Variants in KAZN observed in about 807,000 individuals in gnomAD.
KAZN encodes the protein kazrin, periplakin interacting protein, also known as kazrin.
A neutral mutation model predicts 87.4 loss-of-function variants in KAZN; 40 were observed. The observed-to-expected ratio is 0.46, with a 90% CI of 0.36 to 0.60. The LOEUF is 0.60. Ranked by LOEUF, KAZN falls within the 20% of genes least tolerant of loss-of-function variation. KAZN has a pLI of 0.00. For missense variants in KAZN, 898 were observed against 1,073.9 expected (o/e 0.84, Z 2.29); for synonymous variants, 466 against 458.3 (o/e 1.02, Z -0.22).
chr1:14,223,530 C>T (rs1035788178), intron 2 of KAZN, among the ~76,000 whole-genome samples: 3 of 152,146 alleles, frequency 2.0e-5, no homozygotes, highest in Non-Finnish European at 4.4e-5. Flanking sequence ...TTTGGTGTGA[C>T]AGAACTCCAT....
At chr1:14,570,119 A>T (rs973895121) in intron 2 of KAZN, among the ~76,000 whole-genome samples, 2 of 152,180 alleles carry the variant, frequency 1.3e-5, no homozygotes, top group Non-Finnish European at 2.9e-5. Flanking sequence ...TCTCAAAAAA[A>T]TTAATAATAA....
intron 1 of KAZN, among the ~76,000 whole-genome samples, chr1:14,671,243 C>T (rs1639899732): frequency 6.6e-6 from 1 of 152,184 alleles, no homozygotes; most frequent in African/African-American, 2.4e-5. Context: ...ACATGTCTTA[C>T]TTACAGCATT....
intron 2 of KAZN, among the ~76,000 whole-genome samples, chr1:14,294,145 G>T (rs914241040): frequency 6.6e-6 from 1 of 152,172 alleles, no homozygotes; most frequent in Non-Finnish European, 1.5e-5. Context: ...AAGTGGCACA[G>T]CCTGAAGAAC....
At position 14,691,694 on chromosome 1, in the gene KAZN, C is replaced by A. The variant is rs574093585; in HGVS notation, c.226+92471C>A. On this transcript the variant is annotated intron_variant, in intron 1 of 14. Coordinates refer to ENST00000376030, the MANE Select transcript of KAZN (RefSeq NM_201628.3). ...TAGATACGGGGTTTTGCCATGTTGG[C>A]CAGGCTGGTCTCAAACTCCCGACCT... Among the ~76,000 whole-genome samples the A allele has an allele frequency of 3.0e-3, 455 of 152,228 alleles. 2 individuals are homozygous for A. Among genetic ancestry groups the A allele is most frequent in the Non-Finnish European group, 5.0e-3 (340 of 68,006 alleles).
chr1:14,427,205 C>G (rs1665780175), intron 2 of KAZN, among the ~76,000 whole-genome samples: 1 of 152,172 alleles, frequency 6.6e-6, no homozygotes, highest in Non-Finnish European at 1.5e-5. Flanking sequence ...CAGGTGTCCT[C>G]AAGGCTGGGG....
At chr1:14,961,363 G>T (rs1199110489) in intron 2 of KAZN, among the ~76,000 whole-genome samples, 3 of 152,174 alleles carry the variant, frequency 2.0e-5, no homozygotes, top group Admixed American at 6.5e-5. Flanking sequence ...TGTCCAGGGG[G>T]TCTCTTGAAG....
intron 2 of KAZN, among the ~76,000 whole-genome samples, chr1:14,218,643 ATGTTTAAATTTATGAAT>A (rs571188283): frequency 0.011 from 1,615 of 152,294 alleles, 28 homozygotes; most frequent in African/African-American, 0.036. Flanking sequence ...CTCAATAAAT[ATGTTTAAATTTATGAAT>A]TCATAAGGAT....
rs113763991 is a variant in KAZN at position 15,056,610 on chromosome 1, C to CAA, written c.916+331_916+332dup. Reference sequence around the variant, plus strand: ...CCAGATGTTTAAGACCCTCACAGCTCAAGTCTTAAGAAAGAAAAACTATCT... The same window carrying CAA: ...CCAGATGTTTAAGACCCTCACAGCTCAAAAGTCTTAAGAAAGAAAAACTATCT... On this transcript the variant is annotated intron_variant, in intron 5 of 14. Transcript: ENST00000376030. The surrounding 1 kb of genome is among the most constrained non-coding windows in gnomAD (Gnocchi z 5.4). Among the ~76,000 whole-genome samples, 1,408 of 152,274 alleles carry CAA rather than the reference C, an allele frequency of 9.2e-3. 19 individuals carry two copies. The highest frequency in any genetic ancestry group is 0.042 in the South Asian group (205 of 4,824).
At chr1:14,763,575 A>C (rs1490624447) in intron 1 of KAZN, among the ~76,000 whole-genome samples, 2 of 152,158 alleles carry the variant, frequency 1.3e-5, no homozygotes, top group Non-Finnish European at 2.9e-5. Context: ...TTTCAATTGC[A>C]GTGAGCTCGG....
intron 1 of KAZN, among the ~76,000 whole-genome samples, chr1:14,014,385 T>C (rs1176359789): frequency 6.6e-6 from 1 of 151,590 alleles, no homozygotes; most frequent in Non-Finnish European, 1.5e-5. Flanking sequence ...CAGAAAAGGG[T>C]GAGGATGTCC....
At chr1:14,904,773 T>C (rs985899433) in intron 1 of KAZN, among the ~76,000 whole-genome samples, 4 of 152,144 alleles carry the variant, frequency 2.6e-5, no homozygotes, top group African/African-American at 4.8e-5. Flanking sequence ...TTTGTTTTTG[T>C]TTTTTTGAGA....
intron 2 of KAZN, among the ~76,000 whole-genome samples, chr1:14,488,322 G>GA (rs1325051741): frequency 1.3e-5 from 2 of 152,128 alleles, no homozygotes; most frequent in Non-Finnish European, 1.5e-5. Flanking sequence ...GGAGGATGCT[G>GA]AAAAAGAGAA....
Position 14,976,824 on chromosome 1 carries a change from C to T in KAZN, c.418+15949C>T, listed in dbSNP as rs185008978. On this transcript the variant is annotated intron_variant, in intron 2 of 14. Transcript: ENST00000376030. Reference sequence around the variant, plus strand: ...ATCTCAGCACTTTGGGAGGCCGAGGCGAGCAGATCACAAGGTCAAGGAGTT... The same window carrying T: ...ATCTCAGCACTTTGGGAGGCCGAGGTGAGCAGATCACAAGGTCAAGGAGTT... 3.7e-3 allele frequency among the ~76,000 whole-genome samples: 567 copies of T among 152,208 alleles called. 1 individual carries two copies. The highest frequency in any genetic ancestry group is 0.013 in the African/African-American group (544 of 41,518).
chr1:15,088,715 C>G (rs923893394), intron 8 of KAZN, among the ~76,000 whole-genome samples: 1 of 152,038 alleles, frequency 6.6e-6, no homozygotes, highest in South Asian at 2.1e-4. Flanking sequence ...CAAGGCCCCC[C>G]TAGACTCCTC....
At chr1:14,691,598 T>A (rs905696484) in intron 1 of KAZN, among the ~76,000 whole-genome samples, 2 of 152,206 alleles carry the variant, frequency 1.3e-5, no homozygotes, top group Non-Finnish European at 2.9e-5. Context: ...GTGATTCTCC[T>A]GCCTCAGCCT....
chr1:14,409,804 A>G (rs1664157427), intron 2 of KAZN, among the ~76,000 whole-genome samples: 1 of 152,192 alleles, frequency 6.6e-6, no homozygotes, highest in South Asian at 2.1e-4. Flanking sequence ...CAATAAAAGA[A>G]CTATCTGAAA....
chr1:14,921,332 C>T (rs1049513724), intron 1 of KAZN, among the ~76,000 whole-genome samples: 2 of 152,170 alleles, frequency 1.3e-5, no homozygotes, highest in East Asian at 1.9e-4. Context: ...GGACCAGTGA[C>T]GGTAGCGGTG....
intron 2 of KAZN, among the ~76,000 whole-genome samples, chr1:14,428,176 A>G (rs1015721019): frequency 1.3e-5 from 2 of 152,228 alleles, no homozygotes; most frequent in African/African-American, 2.4e-5. Flanking sequence ...AAGTTAGCAC[A>G]TTCTCTGCTC....
chr1:14,307,151 C>T (rs976689050), intron 2 of KAZN, among the ~76,000 whole-genome samples: 4 of 152,176 alleles, frequency 2.6e-5, no homozygotes, highest in African/African-American at 7.2e-5. Flanking sequence ...CCACTGCCTC[C>T]TCGTGAAGTC....
Sources: gnomAD v4.1 joint callset for allele counts (sites outside exome capture counted in the v4.1 genomes callset) on GRCh38, gnomAD v4.1.1 for gene constraint, Gnocchi (gnomAD v3.1) non-coding constraint, MANE v1.5 for transcripts, NCBI Gene and HGNC (gene_info 2026-07-23, HGNC 2026-07-21) for gene names.